Variants in IARS2 observed in about 807,000 individuals in gnomAD.
IARS2 encodes the protein isoleucyl-tRNA synthetase 2, mitochondrial.
Under a neutral mutation model 126.3 loss-of-function variants are expected in IARS2, and 56 were observed. That is an observed-to-expected ratio of 0.44 (90% CI 0.36 to 0.55). The LOEUF is 0.55. Ranked by LOEUF, IARS2 falls within the 20% of genes least tolerant of loss-of-function variation. The probability of loss-of-function intolerance (pLI) is 0.00; values close to 1 mark genes in which losing one functional copy is unlikely to be tolerated. For synonymous variants in IARS2, 407 were observed against 441.1 expected, an observed-to-expected ratio of 0.92 and a Z score of 0.97; for missense variants, 1,127 against 1,245.9, an observed-to-expected ratio of 0.90 and a Z score of 1.44.
rs764383164 is a variant in IARS2, at chr1:220,141,903, C to T, written c.2515C>T (p.Pro839Ser). ...AGTTCGTTCTTTTGCTCCCATTCTT[C>T]CTCACCTGGCTGAAGAGGTGTTCCA... ...VIVRSFAPIL[P>S]HLAEEVFQHI... The change falls in exon 20 of 23, where the codon CCT becomes TCT. Residue 839 changes from proline to serine, a missense_variant. Pro to Ser is a moderately conservative substitution (Grantham distance 74). Transcript: ENST00000366922. 6.2e-7 allele frequency: 1 copy of T among 1,614,134 alleles called. No individual in the cohort carries two copies. The highest frequency in any genetic ancestry group is 8.5e-7 in the Non-Finnish European group (1 of 1,179,980).
At chr1:220,121,035 A>G (rs1424583327) in intron 12 of IARS2, among the ~76,000 whole-genome samples, 1 of 152,176 alleles carries the variant, frequency 6.6e-6, no homozygotes, top group East Asian at 1.9e-4. Context: ...AAAATGTTTC[A>G]TGTTTCTTTT....
intron 12 of IARS2, among the ~76,000 whole-genome samples, chr1:220,121,158 A>T (rs562264460): frequency 6.6e-6 from 1 of 152,324 alleles, no homozygotes; most frequent in Non-Finnish European, 1.5e-5. Flanking sequence ...TTGGATTTTT[A>T]AAAATAATTG....
At chr1:220,134,752 G>A (rs895926359) in intron 15 of IARS2, 6 of 264,516 alleles carry the variant, frequency 2.3e-5, no homozygotes, top group Admixed American at 2.2e-4. Context: ...AACTTATGTA[G>A]TTCTTTGTTG....
At chr1:220,099,611 A>G (rs890940391) in intron 2 of IARS2, among the ~76,000 whole-genome samples, 1 of 152,220 alleles carries the variant, frequency 6.6e-6, no homozygotes, top group African/African-American at 2.4e-5. Flanking sequence ...AAAGGCTGGA[A>G]TTCATAGGTG....
Position 220,142,962 on chromosome 1 carries a change from G to A in IARS2, c.2579G>A (p.Arg860His), listed in dbSNP as rs201910429. 6.6e-5 allele frequency: 106 copies of A among 1,611,936 alleles called. No homozygotes were observed. The highest frequency in any genetic ancestry group is 6.0e-4 in the East Asian group (27 of 44,874). The change falls in exon 21 of 23, where the codon CGT becomes CAT. Residue 860 changes from arginine (R) to histidine (H), a missense_variant. Arg to His is a conservative substitution (Grantham distance 29, BLOSUM62 0). Coordinates refer to ENST00000366922, the MANE Select transcript of IARS2 (RefSeq NM_018060.4). Reference protein sequence around the residue: ...PYIKEPKSVFRTGWISTSSIW... With the variant: ...PYIKEPKSVFHTGWISTSSIW... ...TCTGAAGAGCCCAAGAGTGTTTTCC[G>A]TACTGGGTGGATTAGTACTAGTTCT...
intron 15 of IARS2, 88 bp from the exon 16 acceptor site, chr1:220,136,721 C>A: frequency 1.4e-5 from 7 of 492,860 alleles, no homozygotes; most frequent in East Asian, 4.0e-5. Flanking sequence ...TTGTGTCAAA[C>A]TTAGATACTC....
chr1:220,116,845 C>G (rs1401902520), intron 12 of IARS2, among the ~76,000 whole-genome samples: 2 of 152,092 alleles, frequency 1.3e-5, no homozygotes, highest in Admixed American at 1.3e-4. Flanking sequence ...CTCCCAGGTT[C>G]AAGTGATTCT....
intron 1 of IARS2, among the ~76,000 whole-genome samples, chr1:220,094,879 T>A (rs1463159104): frequency 5.3e-5 from 8 of 152,120 alleles, no homozygotes; most frequent in Non-Finnish European, 8.8e-5. Context: ...GGCTCACGCC[T>A]GTAATCCCAG....
intron 21 of IARS2, among the ~76,000 whole-genome samples, chr1:220,144,690 AAAG>A (rs1657555377): frequency 6.6e-6 from 1 of 152,206 alleles, no homozygotes; most frequent in African/African-American, 2.4e-5. Context: ...AATGAACTGA[AAAG>A]AAGAACAGCT....
chr1:220,123,619 G>A (rs1030212770), intron 12 of IARS2, among the ~76,000 whole-genome samples: 4 of 151,968 alleles, frequency 2.6e-5, no homozygotes, highest in African/African-American at 7.2e-5. Context: ...GACTACAGGC[G>A]CCCGCCACCA....
At chr1:220,100,812 T>C (rs1245827703) in intron 3 of IARS2, among the ~76,000 whole-genome samples, 163 bp downstream of exon 3, 2 of 152,256 alleles carry the variant, frequency 1.3e-5, no homozygotes, top group Non-Finnish European at 2.9e-5. Context: ...TTTTATTTCA[T>C]TGATTTTTGT....
chr1:220,114,162 T>C (rs1353763612), intron 11 of IARS2, 152 bp from the exon 12 acceptor site: 4 of 637,480 alleles, frequency 6.3e-6, no homozygotes, highest in Non-Finnish European at 1.1e-5. Flanking sequence ...TGAAATCTTT[T>C]AGTTCTTTAG....
chr1:220,124,350 GTC>G (rs1657109623), intron 12 of IARS2, among the ~76,000 whole-genome samples: 2 of 152,112 alleles, frequency 1.3e-5, no homozygotes, highest in Non-Finnish European at 2.9e-5. Context: ...TTGGCTTTCT[GTC>G]ATGTGTTAGG....
At chr1:220,114,225 A>G (rs113375215) in intron 11 of IARS2, 89 bp from the exon 12 acceptor site, 7 of 1,218,416 alleles carry the variant, frequency 5.7e-6, no homozygotes, top group African/African-American at 4.5e-5. Flanking sequence ...ACAAACATCC[A>G]AAAGAAACAA....
intron 12 of IARS2, among the ~76,000 whole-genome samples, chr1:220,114,778 A>C (rs1236637354): frequency 6.6e-6 from 1 of 152,164 alleles, no homozygotes; most frequent in Non-Finnish European, 1.5e-5. Flanking sequence ...GGGGAGCCTG[A>C]AATGTATTTT....
At chr1:220,120,843 A>C (rs1284313464) in intron 12 of IARS2, among the ~76,000 whole-genome samples, 6 of 152,190 alleles carry the variant, frequency 3.9e-5, no homozygotes, top group African/African-American at 1.4e-4. Flanking sequence ...AATACAAATA[A>C]TTTATCTAGA....
chr1:220,097,791 TC>T (rs1656478439), intron 2 of IARS2, among the ~76,000 whole-genome samples: 1 of 152,238 alleles, frequency 6.6e-6, no homozygotes. Flanking sequence ...GATCACGTGT[TC>T]ACTCTTGGAG....
intron 2 of IARS2, among the ~76,000 whole-genome samples, chr1:220,097,694 A>G (rs922411646): frequency 6.6e-6 from 1 of 152,038 alleles, no homozygotes; most frequent in East Asian, 1.9e-4. Flanking sequence ...CCTGGAATTG[A>G]ATCTCATTGG....
chr1:220,132,255 A>G (rs916582376), intron 14 of IARS2, among the ~76,000 whole-genome samples: 4 of 152,098 alleles, frequency 2.6e-5, no homozygotes, highest in African/African-American at 4.8e-5. Flanking sequence ...GTTTGAGCAG[A>G]ATTGTTGTTC....
Sources: allele counts gnomAD v4.1 joint callset (sites outside exome capture counted in the v4.1 genomes callset), GRCh38; gene constraint gnomAD v4.1.1; transcripts MANE v1.5; gene names NCBI Gene and HGNC (gene_info 2026-07-23, HGNC 2026-07-21).